Variants in ADAM12 observed in about 807,000 individuals in gnomAD.
ADAM12 encodes the protein disintegrin and metalloproteinase domain-containing protein 12.
In ADAM12, 70 loss-of-function variants were observed where a neutral mutation model predicts 106.4. The ratio of observed to expected loss-of-function variants is 0.66; its 90% CI spans 0.54 to 0.80. The LOEUF is 0.80. Among genes scored for constraint, ADAM12 ranks in the 30% least tolerant of loss-of-function variants. ADAM12 has a pLI of 0.00. For synonymous variants in ADAM12, 420 were observed against 433.5 expected, an observed-to-expected ratio of 0.97 and a Z score of 0.39; for missense variants, 1,010 against 1,171.9, an observed-to-expected ratio of 0.86 and a Z score of 2.02.
chr10:126,387,607 CT>C, intron 1 of ADAM12, among the ~76,000 whole-genome samples: 1 of 151,876 alleles, frequency 6.6e-6, no homozygotes, highest in African/African-American at 2.4e-5. Flanking sequence ...GCGCGCCCCC[CT>C]AAGTGTGTTA....
At chr10:126,268,811 A>G (rs1009733413) in intron 3 of ADAM12, among the ~76,000 whole-genome samples, 1 of 152,198 alleles carries the variant, frequency 6.6e-6, no homozygotes, top group Non-Finnish European at 1.5e-5. Context: ...AATGTAGCAG[A>G]ATCTGTGTTT....
chr10:126,076,100 C>T (rs950489570), intron 11 of ADAM12, among the ~76,000 whole-genome samples: 15 of 152,148 alleles, frequency 9.9e-5, no homozygotes, highest in African/African-American at 3.6e-4. Flanking sequence ...ATCTAATAGT[C>T]CCCAGTGTCT....
chr10:126,019,859 A>AC (rs764177513), intron 21 of ADAM12, 34 bp from the exon 22 acceptor site: 13 of 1,585,506 alleles, frequency 8.2e-6, no homozygotes, highest in Non-Finnish European at 1.1e-5. Flanking sequence ...AGGGTCACTT[A>AC]CCAGGAGCCA....
chr10:126,279,816 A>G (rs908808234), intron 2 of ADAM12, among the ~76,000 whole-genome samples: 1 of 152,136 alleles, frequency 6.6e-6, no homozygotes, highest in African/African-American at 2.4e-5. Flanking sequence ...AGGAGACCTC[A>G]TTCTTCCTGG....
At chr10:126,219,184 A>G (rs1323232170) in intron 3 of ADAM12, among the ~76,000 whole-genome samples, 2 of 152,158 alleles carry the variant, frequency 1.3e-5, no homozygotes, top group East Asian at 3.8e-4. Flanking sequence ...AAAAACAAAA[A>G]TCCATTGCTA....
chr10:126,166,493 T>TTTTTTTTG (rs1957026191), intron 3 of ADAM12, among the ~76,000 whole-genome samples: 1 of 141,752 alleles, frequency 7.1e-6, no homozygotes, highest in African/African-American at 2.5e-5. Flanking sequence ...GCAGGTTTCT[T>TTTTTTTTG]TTTTTTTGTT....
chr10:126,234,895 G>A (rs113674625), intron 3 of ADAM12, among the ~76,000 whole-genome samples: 16 of 152,336 alleles, frequency 1.1e-4, no homozygotes, highest in East Asian at 5.8e-4. Context: ...AAAGGGGCAC[G>A]TGGAGAGACC....
At chr10:126,265,393 T>A (rs1484519387) in intron 3 of ADAM12, among the ~76,000 whole-genome samples, 1 of 152,092 alleles carries the variant, frequency 6.6e-6, no homozygotes, top group Non-Finnish European at 1.5e-5. Context: ...AAAGAACAGA[T>A]CTAGGCACTG....
intron 2 of ADAM12, among the ~76,000 whole-genome samples, chr10:126,314,771 C>T (rs1365695945): frequency 6.6e-6 from 1 of 152,136 alleles, no homozygotes; most frequent in African/African-American, 2.4e-5. Flanking sequence ...AACTCCTCAA[C>T]CCAACCCCAA....
intron 3 of ADAM12, among the ~76,000 whole-genome samples, chr10:126,173,450 T>C (rs1220805888): frequency 6.6e-6 from 1 of 152,048 alleles, no homozygotes; most frequent in Admixed American, 6.6e-5. Flanking sequence ...TCCTGTGTAA[T>C]GGAGGGTGTT....
chr10:126,051,790 G>C (rs1175903368), intron 14 of ADAM12, among the ~76,000 whole-genome samples: 1 of 152,204 alleles, frequency 6.6e-6, no homozygotes, highest in Non-Finnish European at 1.5e-5. Flanking sequence ...CAAACCTCCT[G>C]CTTGCTTGAA....
At chr10:126,152,541 T>C (rs1956746183) in intron 4 of ADAM12, among the ~76,000 whole-genome samples, 1 of 151,984 alleles carries the variant, frequency 6.6e-6, no homozygotes, top group Non-Finnish European at 1.5e-5. Context: ...GCTTCTCTGA[T>C]GTTACCACTA....
chr10:126,123,858 C>G (rs992616911), intron 5 of ADAM12, among the ~76,000 whole-genome samples: 1 of 152,190 alleles, frequency 6.6e-6, no homozygotes, highest in African/African-American at 2.4e-5. Flanking sequence ...GGAGCCGCTG[C>G]TTTGAAAACC....
At chr10:126,142,159 G>A (rs1049409195) in intron 4 of ADAM12, among the ~76,000 whole-genome samples, 28 of 152,128 alleles carry the variant, frequency 1.8e-4, no homozygotes, top group African/African-American at 6.0e-4. Context: ...AAAAGCTGCC[G>A]AGACCAGCTC....
intron 1 of ADAM12, among the ~76,000 whole-genome samples, chr10:126,381,216 A>T (rs184808966): frequency 1.3e-5 from 2 of 152,356 alleles, no homozygotes; most frequent in East Asian, 3.9e-4. Flanking sequence ...CAAGTGAGAG[A>T]AAGAAAATAC....
At chr10:126,375,984 C>G (rs889964661) in intron 1 of ADAM12, among the ~76,000 whole-genome samples, 9 of 151,272 alleles carry the variant, frequency 5.9e-5, no homozygotes, top group Non-Finnish European at 1.0e-4. Flanking sequence ...CAAGTAATCC[C>G]CCCTCCCCAC....
At chr10:126,041,782 C>T in intron 18 of ADAM12, 1 of 1,095,178 alleles carries the variant, frequency 9.1e-7, no homozygotes, top group Non-Finnish European at 1.1e-6. Flanking sequence ...TTCTCCCCCA[C>T]TGCTGTGGAG....
At chr10:126,103,781 G>A (rs995487492) in intron 8 of ADAM12, among the ~76,000 whole-genome samples, 1 of 152,248 alleles carries the variant, frequency 6.6e-6, no homozygotes, top group African/African-American at 2.4e-5. Context: ...GACACAGTCA[G>A]AGATCCAGCT....
chr10:126,019,208 A>T (rs1329122392), intron 22 of ADAM12, among the ~76,000 whole-genome samples: 1 of 152,124 alleles, frequency 6.6e-6, no homozygotes, highest in Non-Finnish European at 1.5e-5. Context: ...CATGATTGTA[A>T]GTTTCCTGAG....
Sources: gnomAD v4.1 joint callset for allele counts (sites outside exome capture counted in the v4.1 genomes callset) on GRCh38, gnomAD v4.1.1 for gene constraint, MANE v1.5 for transcripts, NCBI Gene and HGNC (gene_info 2026-07-23, HGNC 2026-07-21) for gene names.